The following JADE2 variants were observed in gnomAD, a reference collection of about 807,000 sequenced individuals.
JADE2 encodes jade family PHD finger 2.
In JADE2, 13 loss-of-function variants were observed where a neutral mutation model predicts 85.7. The ratio of observed to expected loss-of-function variants is 0.15; its 90% confidence interval spans 0.10 to 0.24. JADE2 has a LOEUF of 0.24. Among genes scored for constraint, JADE2 ranks in the 10% least tolerant of loss-of-function variants. The probability of loss-of-function intolerance (pLI) is 1.00; values close to 1 mark genes in which losing one functional copy is unlikely to be tolerated. For missense variants in JADE2, 846 were observed against 1,115.9 expected (o/e 0.76, Z 3.45); for synonymous variants, 440 against 456.1 (o/e 0.96, Z 0.45).
At chr5:134,569,148 GCA>G (rs1763837443) in intron 9 of JADE2, among the ~76,000 whole-genome samples, 2 of 152,248 alleles carry the variant, frequency 1.3e-5, no homozygotes, top group African/African-American at 4.8e-5. Context: ...ACAAAGCTTA[GCA>G]CAGTGCCCTC....
chr5:134,579,737 T>C lies in JADE2; in HGVS notation c.*420T>C. On this transcript the variant is annotated 3_prime_UTR_variant, in exon 12 of 12. Transcript: ENST00000681547. This position sits in a 1 kb window ranked among gnomAD's most constrained non-coding sequence, Gnocchi z 4.6. Reference sequence around the variant, plus strand: ...ACCCCGCCTTGCCCCCAGATCCCACTGGGGTCCATTTGGGGGGTCCTGCTA... The same window carrying C: ...ACCCCGCCTTGCCCCCAGATCCCACCGGGGTCCATTTGGGGGGTCCTGCTA... The C allele has an allele frequency of 1.1e-5, 2 of 176,106 alleles. No individual in the cohort carries two copies. Among genetic ancestry groups the C allele is most frequent in the Admixed American group, 5.6e-5 (1 of 17,842 alleles). The allele number at this position is 176,106 out of a possible 1,614,324, so 10.9% of individuals were successfully genotyped here.
At chr5:134,526,480 A>G (rs962437431) in intron 1 of JADE2, 2 of 985,040 alleles carry the variant, frequency 2.0e-6, no homozygotes, top group Non-Finnish European at 2.4e-6. Flanking sequence ...ACCTGGAGCT[A>G]TCTGCCCTCC....
At position 134,566,173 on chromosome 5, in the gene JADE2, C is replaced by G; in HGVS notation, c.1027C>G (p.Leu343Val). ...TGTCACATGCGCCTTTGACCACGGC[C>G]TGGAAATGCGGACTATATTAGCAGA... ...FHVTCAFDHG[L>V]EMRTILADND... Residue 343 changes from leucine to valine, a missense_variant, in exon 9 of 12, where the codon CTG becomes GTG. Around this residue, in one of 9 missense-constraint regions of JADE2, gnomAD observed 39 missense variants for 37.6 expected, o/e 1.04. Transcript: ENST00000681547. The surrounding 1 kb of genome is among the most constrained non-coding windows in gnomAD (Gnocchi z 6.7). 6.2e-7 allele frequency: 1 copy of G among 1,614,080 alleles called. No homozygotes were observed. Among genetic ancestry groups the G allele is most frequent in the Non-Finnish European group, 8.5e-7 (1 of 1,180,022 alleles).
Position 134,566,220 on chromosome 5 carries a change from G to C in JADE2, c.1074G>C (p.Lys358Asn). The C allele has an allele frequency of 1.2e-6, 2 of 1,614,156 alleles. No homozygotes were observed. Among genetic ancestry groups the C allele is most frequent in the East Asian group, 4.5e-5 (2 of 44,856 alleles). Reference sequence around the variant, plus strand: ...CAGACAACGATGAGGTCAAGTTCAAGTCATTCTGCCAGGAGCACAGTGACG... The same window carrying C: ...CAGACAACGATGAGGTCAAGTTCAACTCATTCTGCCAGGAGCACAGTGACG... ...ILADNDEVKFKSFCQEHSDGG... is the reference protein window; with the variant it reads ...ILADNDEVKFNSFCQEHSDGG... Residue 358 changes from lysine (K) to asparagine (N), a missense_variant, in exon 9 of 12, where the codon AAG (lysine) becomes AAC (asparagine). Lys to Asn is a moderately conservative substitution (Grantham distance 94, BLOSUM62 0). This residue lies in a region of JADE2 where 39 missense variants were observed against 37.6 expected (regional missense o/e 1.04). Coordinates refer to ENST00000681547, the MANE Select transcript of JADE2 (RefSeq NM_001388185.1). This position sits in a 1 kb window ranked among gnomAD's most constrained non-coding sequence, Gnocchi z 6.7.
intron 8 of JADE2, among the ~76,000 whole-genome samples, chr5:134,565,774 G>A (rs56843753): frequency 0.17 from 25,951 of 151,154 alleles, 2,543 homozygotes; most frequent in East Asian, 0.35. Flanking sequence ...CGGAGGTTGC[G>A]GTGAGATGGA....
intron 9 of JADE2, among the ~76,000 whole-genome samples, chr5:134,569,532 G>T (rs565670032): frequency 3.3e-5 from 5 of 152,204 alleles, no homozygotes; most frequent in African/African-American, 4.8e-5. Flanking sequence ...TGATCAGCCC[G>T]ACAAGTGCCG....
intron 3 of JADE2, among the ~76,000 whole-genome samples, chr5:134,545,873 G>T (rs567035281): frequency 6.6e-6 from 1 of 152,294 alleles, no homozygotes; most frequent in East Asian, 1.9e-4. Flanking sequence ...AACTTTCCTT[G>T]AGGGGTGAGG....
intron 1 of JADE2, among the ~76,000 whole-genome samples, chr5:134,534,245 A>C (rs11949657): frequency 0.12 from 17,812 of 152,158 alleles, 1,485 homozygotes; most frequent in Admixed American, 0.28. Flanking sequence ...TATGCCTATA[A>C]CAAAGGGCTG....
At position 134,562,099 on chromosome 5, in the gene JADE2, C is replaced by A; in HGVS notation, c.685-101C>A. ...GTGCCAGAGATGGGAGGCTGTGTAG[C>A]AGTGTAGCATGGGGCTGGCACTGGA... On this transcript the variant is annotated intron_variant, in intron 6 of 11. Coordinates refer to ENST00000681547, the MANE Select transcript of JADE2 (RefSeq NM_001388185.1). The surrounding 1 kb of genome is among the most constrained non-coding windows in gnomAD (Gnocchi z 4.6). 8.8e-7 allele frequency: 1 copy of A among 1,141,168 alleles called. No homozygotes were observed. Among genetic ancestry groups the A allele is most frequent in the Non-Finnish European group, 1.2e-6 (1 of 803,756 alleles). The allele number at this position is 1,141,168 out of a possible 1,614,324, so 70.7% of individuals were successfully genotyped here. A position where few individuals can be genotyped will look rare whatever the true frequency, so the allele number is the denominator to read the frequency against.
chr5:134,527,095 A>C (rs935619386), intron 1 of JADE2, among the ~76,000 whole-genome samples: 1 of 152,102 alleles, frequency 6.6e-6, no homozygotes, highest in African/African-American at 2.4e-5. Context: ...TGACTCTCAA[A>C]TGAGTGACAT....
At chr5:134,540,077 TC>T (rs1761877665) in intron 3 of JADE2, among the ~76,000 whole-genome samples, 1 of 152,094 alleles carries the variant, frequency 6.6e-6, no homozygotes, top group Non-Finnish European at 1.5e-5. Flanking sequence ...GTTGAAGCTC[TC>T]ACTGCCCTCC....
In JADE2 at chr5:134,576,821, T is replaced by A; in HGVS notation, c.1606T>A (p.Cys536Ser). Reference protein sequence around the residue: ...GKKSDSKRKGCEGSKGSTEKK... With the variant: ...GKKSDSKRKGSEGSKGSTEKK... ...GAAGAGTGACTCGAAGAGGAAGGGC[T>A]GCGAGGGCTCCAAGGGCAGCACTGA... The change falls in exon 11 of 12, where the codon TGC becomes AGC. Residue 536 changes from cysteine to serine, a missense_variant. This residue lies in a region of JADE2 where 119 missense variants were observed against 163.9 expected (regional missense o/e 0.73). Transcript: ENST00000681547. 1.3e-6 allele frequency: 2 copies of A among 1,550,570 alleles called. No homozygotes were observed.
intron 2 of JADE2, 75 bp from the exon 3 acceptor site, chr5:134,537,914 C>A: frequency 9.2e-7 from 1 of 1,090,512 alleles, no homozygotes. Flanking sequence ...TGCTTAGAAG[C>A]TTCCTATTCT....
intron 10 of JADE2, 48 bp downstream of exon 10, chr5:134,573,810 T>A (rs1335391408): frequency 8.5e-7 from 1 of 1,176,514 alleles, no homozygotes; most frequent in Admixed American, 1.7e-5. Context: ...TGCCCTCTCT[T>A]GCGGGGCTGG....
At chr5:134,539,462 G>T (rs987759548) in intron 3 of JADE2, among the ~76,000 whole-genome samples, 4 of 152,210 alleles carry the variant, frequency 2.6e-5, no homozygotes, top group African/African-American at 9.6e-5. Context: ...GCCTCCCAAA[G>T]TGTTGGGATT....
chr5:134,559,914 A>C lies in JADE2; in HGVS notation c.396A>C (p.Pro132=), dbSNP rs749909598. ...GTGAGGGCTCCCAGCCTGATTGGCC[A>C]GGGGGCAGCCGCTATGACTTGGACG... ...MLGEGSQPDW[P]GGSRYDLDEI... Residue 132 remains proline (P), a synonymous_variant, in exon 5 of 12, where the codon CCA becomes CCC. Transcript: ENST00000681547. 1.2e-6 allele frequency: 2 copies of C among 1,613,906 alleles called. No individual in the cohort carries two copies. Among genetic ancestry groups the C allele is most frequent in the African/African-American group, 1.3e-5 (1 of 75,042 alleles).
At chr5:134,535,716 GAGA>G (rs1323594960) in intron 1 of JADE2, 139 bp from the exon 2 acceptor site, 1 of 681,438 alleles carries the variant, frequency 1.5e-6, no homozygotes, top group Non-Finnish European at 2.6e-6. Context: ...GGTGCTGGCA[GAGA>G]AGAAGGCTAG....
chr5:134,577,081 C>G, intron 11 of JADE2, 185 bp downstream of exon 11: 1 of 633,638 alleles, frequency 1.6e-6, no homozygotes, highest in Admixed American at 3.4e-5. Context: ...ATCTCAGAGC[C>G]CCGTGTGACA....
intron 4 of JADE2, among the ~76,000 whole-genome samples, chr5:134,552,844 C>T (rs1392845664): frequency 6.6e-6 from 1 of 151,816 alleles, no homozygotes; most frequent in Non-Finnish European, 1.5e-5. Flanking sequence ...AGCTAATCTT[C>T]ATGTTTTGTG....
Sources: gnomAD v4.1 joint callset for allele counts (sites outside exome capture counted in the v4.1 genomes callset) on GRCh38, gnomAD v4.1.1 for gene constraint, gnomAD v4.1.1 regional missense constraint, Gnocchi (gnomAD v3.1) non-coding constraint, MANE v1.5 for transcripts, NCBI Gene and HGNC (gene_info 2026-07-23, HGNC 2026-07-21) for gene names.